The following TXNRD3 variants were observed in gnomAD, a reference collection of about 807,000 sequenced individuals.
TXNRD3 encodes the protein TXNRD3 neighbor gene protein.
A neutral mutation model predicts 78.2 loss-of-function variants in TXNRD3; 68 were observed. The ratio of observed to expected loss-of-function variants is 0.87; its 90% CI spans 0.72 to 1.06. TXNRD3 has a LOEUF of 1.06. Ranked by LOEUF, TXNRD3 falls within the 50% of genes least tolerant of loss-of-function variation. The pLI is 0.00. For synonymous variants in TXNRD3, 296 were observed against 300.1 expected (o/e 0.99, Z 0.14); for missense variants, 751 against 809.5 (o/e 0.93, Z 0.88).
chr3:126,612,482 G>A (rs1938222474), intron 13 of TXNRD3, among the ~76,000 whole-genome samples: 1 of 151,902 alleles, frequency 6.6e-6, no homozygotes. Flanking sequence ...TTTGTTTTTT[G>A]TTTGTTTGTT....
chr3:126,612,295 C>T (rs1938216579), intron 13 of TXNRD3, among the ~76,000 whole-genome samples: 1 of 152,142 alleles, frequency 6.6e-6, no homozygotes, highest in South Asian at 2.1e-4. Context: ...GCCTCAGCCT[C>T]CCAAAATGCT....
At chr3:126,644,092 T>C (rs1933162790) in intron 4 of TXNRD3, 39 bp from the exon 5 acceptor site, 1 of 1,528,446 alleles carries the variant, frequency 6.5e-7, no homozygotes, top group Non-Finnish European at 8.8e-7. Flanking sequence ...TATAAAGATC[T>C]TGTCACTTTC....
intron 12 of TXNRD3, among the ~76,000 whole-genome samples, chr3:126,615,674 C>A (rs1381745127): frequency 6.6e-6 from 1 of 152,170 alleles, no homozygotes; most frequent in African/African-American, 2.4e-5. Context: ...TGGCTAGCCA[C>A]CAACAAATGG....
In TXNRD3 at chr3:126,631,799, T is replaced by G. The variant is rs2107619237; in HGVS notation, c.936A>C (p.Leu312Phe). The G allele has an allele frequency of 1.3e-6, 2 of 1,535,818 alleles. No individual in the cohort carries two copies. The highest frequency in any genetic ancestry group is 4.9e-5 in the East Asian group (2 of 40,908). ...AGTATTCTTTATCTCCTTGGATTCCTAAATACCGTGGCCTTTCACCCGTTG... is the reference window on the plus strand; with the variant it reads ...AGTATTCTTTATCTCCTTGGATTCCGAAATACCGTGGCCTTTCACCCGTTG... Residue 312 changes from leucine (L) to phenylalanine (F), a missense_variant, in exon 8 of 16, where the codon TTA becomes TTC. Transcript: ENST00000524230.
chr3:126,626,032 A>T (rs562828475), intron 10 of TXNRD3: 2 of 152,504 alleles, frequency 1.3e-5, no homozygotes, highest in South Asian at 4.1e-4. Context: ...ATCAACGGAC[A>T]GTGAAATGGA....
At chr3:126,650,375 G>A (rs759132300) in intron 1 of TXNRD3, among the ~76,000 whole-genome samples, 8 of 146,638 alleles carry the variant, frequency 5.5e-5, no homozygotes, top group Non-Finnish European at 1.1e-4. Flanking sequence ...AGGCACGGTG[G>A]CTCACACCTG....
chr3:126,650,318 T>A (rs929529012), intron 1 of TXNRD3, among the ~76,000 whole-genome samples: 1 of 152,218 alleles, frequency 6.6e-6, no homozygotes, highest in East Asian at 1.9e-4. Flanking sequence ...CTTTGCCACA[T>A]CATTAAGTCC....
Position 126,646,236 on chromosome 3 carries a change from A to G in TXNRD3, c.305-16T>C, listed in dbSNP as rs1372909483. On this transcript the variant is annotated splice_polypyrimidine_tract_variant and intron_variant, in intron 2 of 15. Coordinates refer to ENST00000524230, the MANE Select transcript of TXNRD3 (RefSeq NM_052883.3). ...GCCCCATCATCTAAAGAAGAAAAAA[A>G]CTATATATAAAAACACTGAAAAGAG... 8 of 1,496,302 alleles carry G rather than the reference A, an allele frequency of 5.3e-6. No individual in the cohort carries two copies. The highest frequency in any genetic ancestry group is 7.1e-6 in the Non-Finnish European group (8 of 1,134,088). 92.7% of individuals were successfully genotyped at this position (1,496,302 alleles called of 1,614,324 possible).
chr3:126,654,696 C>A, intron 1 of TXNRD3, 52 bp downstream of exon 1: 1 of 1,198,914 alleles, frequency 8.3e-7, no homozygotes. Flanking sequence ...CGGGTGGCGT[C>A]CGCGTGGCGG....
intron 1 of TXNRD3, among the ~76,000 whole-genome samples, chr3:126,651,892 GA>G (rs1933399894): frequency 6.6e-6 from 1 of 152,094 alleles, no homozygotes; most frequent in Non-Finnish European, 1.5e-5. Context: ...TAAAACAGGA[GA>G]ATATCTTTAT....
At chr3:126,611,003 T>C in intron 14 of TXNRD3, 34 bp downstream of exon 14, 1 of 1,233,340 alleles carries the variant, frequency 8.1e-7, no homozygotes, top group Non-Finnish European at 1.1e-6. Flanking sequence ...CATTTAAAAA[T>C]CACAGCATTT....
chr3:126,611,200 T>A, intron 13 of TXNRD3, 68 bp from the exon 14 acceptor site: 1 of 1,006,532 alleles, frequency 9.9e-7, no homozygotes, highest in Non-Finnish European at 1.4e-6. Context: ...ATAGGCTCTT[T>A]AATTCTATAA....
In TXNRD3 at chr3:126,631,883, GAA is replaced by G; in HGVS notation, c.856-6_856-5del. 6.5e-7 allele frequency: 1 copy of G among 1,527,528 alleles called. No homozygotes were observed. Among genetic ancestry groups the G allele is most frequent in the Non-Finnish European group, 8.8e-7 (1 of 1,139,638 alleles). The allele number at this position is 1,527,528 out of a possible 1,614,324, so 94.6% of individuals were successfully genotyped here. A position where few individuals can be genotyped will look rare whatever the true frequency, so the allele number is the denominator to read the frequency against. ...CCTGTCCTTTTTTATTGGTTGCCTTGAAAAAAGAGAAGTAAACCTCACTTAGC... is the reference window on the plus strand; with the variant it reads ...CCTGTCCTTTTTTATTGGTTGCCTTGAAAAGAGAAGTAAACCTCACTTAGC... On this transcript the variant is annotated splice_region_variant and splice_polypyrimidine_tract_variant and intron_variant, in intron 7 of 15. Transcript: ENST00000524230.
chr3:126,624,513 C>T (rs939430003), intron 10 of TXNRD3, among the ~76,000 whole-genome samples: 11 of 151,846 alleles, frequency 7.2e-5, no homozygotes, highest in Admixed American at 3.9e-4. Flanking sequence ...CTCTGCCTCC[C>T]GGGTTCACGC....
rs1938692413 is a variant in TXNRD3 at position 126,630,782 on chromosome 3, A to G, written c.1127T>C (p.Met376Thr). The G allele has an allele frequency of 6.5e-7, 1 of 1,534,784 alleles. No individual in the cohort carries two copies. Among genetic ancestry groups the G allele is most frequent in the Non-Finnish European group, 8.7e-7 (1 of 1,146,874 alleles). The change falls in exon 9 of 16, where the codon ATG (methionine) becomes ACG (threonine). Residue 376 changes from methionine (M) to threonine (T), a missense_variant. Met to Thr is a moderately conservative substitution (Grantham distance 81). Transcript: ENST00000524230. The stretch of plus-strand genomic sequence containing the variant: ...CATGTAGGAACCCACTTTTTCTGCC[A>G]TTTCTTGGTCGAAGCCACGGAGAAG...
chr3:126,618,028 C>T (rs551949068), intron 12 of TXNRD3, among the ~76,000 whole-genome samples: 25 of 152,198 alleles, frequency 1.6e-4, no homozygotes, highest in African/African-American at 6.0e-4. Context: ...GGTGAAACCA[C>T]TCTACAATGA....
At chr3:126,651,727 G>A (rs1278872781) in intron 1 of TXNRD3, among the ~76,000 whole-genome samples, 2 of 152,188 alleles carry the variant, frequency 1.3e-5, no homozygotes, top group African/African-American at 2.4e-5. Flanking sequence ...ACGAACTAGT[G>A]TGGAAAGGAT....
intron 11 of TXNRD3, among the ~76,000 whole-genome samples, chr3:126,622,188 A>G (rs1297396765): frequency 6.6e-6 from 1 of 152,240 alleles, no homozygotes; most frequent in Non-Finnish European, 1.5e-5. Context: ...TCCCTGACCA[A>G]GGACATAAAG....
intron 1 of TXNRD3, among the ~76,000 whole-genome samples, chr3:126,650,005 T>G (rs1933334964): frequency 6.6e-6 from 1 of 152,244 alleles, no homozygotes. Context: ...AAGTTTTATG[T>G]TATGTGAATT....
Sources: gnomAD v4.1 joint callset for allele counts (sites outside exome capture counted in the v4.1 genomes callset) on GRCh38, gnomAD v4.1.1 for gene constraint, MANE v1.5 for transcripts, NCBI Gene and HGNC (gene_info 2026-07-23, HGNC 2026-07-21) for gene names.